Variants in TSPAN16 observed in about 807,000 individuals in gnomAD.
TSPAN16 encodes the protein tetraspanin 16, also known as tetraspanin-16.
In TSPAN16, 23 loss-of-function variants were observed where a neutral mutation model predicts 25.2. The observed-to-expected ratio is 0.91, with a 90% confidence interval of 0.66 to 1.29. The LOEUF is 1.29. TSPAN16 is among the 50% of genes most tolerant of loss of function. The pLI is 0.00. For missense variants in TSPAN16, 272 were observed against 299.9 expected (o/e 0.91, Z 0.69); for synonymous variants, 123 against 124.4 (o/e 0.99, Z 0.08).
Position 11,301,250 on chromosome 19 carries a change from A to T in TSPAN16, c.392A>T (p.Tyr131Phe). ...EHTFVTLRKN[Y>F]RGYNEPDDYS... ...ACCTTCGTGACCCTGAGGAAGAATT[A>T]CAGAGGTTACAACGAGCCAGACGAC... The change falls in exon 4 of 7, where the codon TAC becomes TTC. Residue 131 changes from tyrosine to phenylalanine, a missense_variant. Transcript: ENST00000590327. 1 of 1,614,080 alleles carries T rather than the reference A, an allele frequency of 6.2e-7. No homozygotes were observed. Among genetic ancestry groups the T allele is most frequent in the East Asian group, 2.2e-5 (1 of 44,882 alleles).
chr19:11,301,329 A>T, intron 4 of TSPAN16, 21 bp downstream of exon 4: 1 of 1,604,518 alleles, frequency 6.2e-7, no homozygotes, highest in Non-Finnish European at 8.5e-7. Context: ...CTTAAAAAAA[A>T]AAAATTGTGG....
At chr19:11,310,643 G>A (rs892399733) in intron 5 of TSPAN16, among the ~76,000 whole-genome samples, 8 of 152,118 alleles carry the variant, frequency 5.3e-5, no homozygotes, top group African/African-American at 1.9e-4. Context: ...CTGTAAAATG[G>A]AGGAAAGAAG....
intron 5 of TSPAN16, among the ~76,000 whole-genome samples, chr19:11,309,663 A>G (rs1487663925): frequency 2.0e-5 from 3 of 152,168 alleles, no homozygotes; most frequent in Non-Finnish European, 2.9e-5. Flanking sequence ...TCTTTCCAGC[A>G]TTTATCACCA....
intron 4 of TSPAN16, among the ~76,000 whole-genome samples, chr19:11,303,570 AATAAATT>A (rs2080591444): frequency 1.6e-5 from 2 of 122,540 alleles, no homozygotes; most frequent in South Asian, 5.0e-4. Context: ...TAAATAAATA[AATAAATT>A]AAAAAAAAAA....
intron 6 of TSPAN16, among the ~76,000 whole-genome samples, chr19:11,314,319 T>TA (rs2080723192): frequency 6.6e-6 from 1 of 152,198 alleles, no homozygotes; most frequent in African/African-American, 2.4e-5. Flanking sequence ...CTGTATACTT[T>TA]AGAAAGGTAA....
At chr19:11,312,051 G>C in intron 5 of TSPAN16, 88 bp from the exon 6 acceptor site, 3 of 936,010 alleles carry the variant, frequency 3.2e-6, no homozygotes, top group Non-Finnish European at 5.0e-6. Flanking sequence ...AGAGTCGTCT[G>C]AGTGGCCTAA....
intron 5 of TSPAN16, among the ~76,000 whole-genome samples, chr19:11,311,097 A>AT (rs2080685936): frequency 1.5e-5 from 2 of 131,716 alleles, no homozygotes; most frequent in African/African-American, 5.9e-5. Context: ...TCGGCCTCTC[A>AT]GAGTTCTGGG....
At chr19:11,325,176 T>C (rs2080804339) in intron 6 of TSPAN16, 1 of 505,986 alleles carries the variant, frequency 2.0e-6, no homozygotes, top group Admixed American at 3.3e-5. Flanking sequence ...CTGCCTGCCA[T>C]GCAGAGCTGA....
At chr19:11,298,073 C>T (rs1599324692) in intron 1 of TSPAN16, 69 bp from the exon 2 acceptor site, 4 of 1,532,294 alleles carry the variant, frequency 2.6e-6, no homozygotes, top group East Asian at 2.3e-5. Context: ...TGAGCCACCG[C>T]ACTCACCCAG....
downstream of TSPAN16, among the ~76,000 whole-genome samples, chr19:11,318,317 A>G (rs557066559): frequency 6.6e-6 from 1 of 151,476 alleles, no homozygotes; most frequent in East Asian, 1.9e-4. Context: ...GAGCCACCAC[A>G]CCCAGCCTAA....
At chr19:11,326,965 C>T in exon 7 of TSPAN16, 1 of 491,734 alleles carries the variant, frequency 2.0e-6, no homozygotes, top group South Asian at 3.1e-5. Flanking sequence ...GTCCCTGAAT[C>T]TCCATGCAGC....
At position 11,311,113 on chromosome 19, in the gene TSPAN16, G is replaced by A. The variant is rs145279699; in HGVS notation, c.604-1026G>A. Reference sequence around the variant, plus strand: ...CGGCCTCTCAGAGTTCTGGGATTACGGGCATGAGCCATCGTGCCCAGCCTT... The same window carrying A: ...CGGCCTCTCAGAGTTCTGGGATTACAGGCATGAGCCATCGTGCCCAGCCTT... On this transcript the variant is annotated intron_variant, in intron 5 of 6. Coordinates refer to ENST00000590327, the MANE Select transcript of TSPAN16 (RefSeq NM_001282509.2). Among the ~76,000 whole-genome samples, 36 of 120,078 alleles carry A rather than the reference G, an allele frequency of 3.0e-4. No individual in the cohort carries two copies. The East Asian group carries it at 6.5e-3, about 22-fold the overall frequency. The allele number at this position is 120,078 out of a possible 152,430, so 78.8% of individuals were successfully genotyped here.
At chr19:11,321,356 C>T (rs940614878) in intron 6 of TSPAN16, 1 of 152,156 alleles carries the variant, frequency 6.6e-6, no homozygotes, top group South Asian at 2.1e-4. Context: ...CCTTATAAAA[C>T]CATCAGATCT....
intron 2 of TSPAN16, among the ~76,000 whole-genome samples, chr19:11,298,581 C>A (rs2080506607): frequency 6.6e-6 from 1 of 152,014 alleles, no homozygotes; most frequent in Non-Finnish European, 1.5e-5. Context: ...ATTACAGGCA[C>A]CCCTACCATG....
rs761774118 is a variant in TSPAN16, at chr19:11,301,264, G to A, written c.406G>A (p.Glu136Lys). Residue 136 changes from glutamate to lysine, a missense_variant, in exon 4 of 7, where the codon GAG becomes AAG. Glu to Lys is a moderately conservative substitution (Grantham distance 56). Transcript: ENST00000590327. ...GAGGAAGAATTACAGAGGTTACAAC[G>A]AGCCAGACGACTATTCTACACAGTG... ...TLRKNYRGYN[E>K]PDDYSTQWNL... The A allele has an allele frequency of 6.2e-6, 10 of 1,613,762 alleles. No individual in the cohort carries two copies. The East Asian group carries it at 8.9e-5, about 14-fold the overall frequency.
chr19:11,325,503 C>T (rs139332966), intron 6 of TSPAN16: 2 of 1,613,718 alleles, frequency 1.2e-6, no homozygotes, highest in Non-Finnish European at 8.5e-7. Flanking sequence ...CGTTCATCTT[C>T]TCGCAGATGA....
chr19:11,325,723 C>T (rs751226225), intron 6 of TSPAN16: 7 of 732,528 alleles, frequency 9.6e-6, no homozygotes, highest in Non-Finnish European at 1.5e-5. Context: ...GCCTTTGCCA[C>T]TCCAAGCCTC....
intron 6 of TSPAN16, among the ~76,000 whole-genome samples, chr19:11,313,440 T>A (rs2080714329): frequency 6.6e-6 from 1 of 151,288 alleles, no homozygotes; most frequent in Non-Finnish European, 1.5e-5. Context: ...GGCAGGAGAA[T>A]CGCTTGAATC....
chr19:11,325,373 G>C, intron 6 of TSPAN16: 1 of 1,462,196 alleles, frequency 6.8e-7, no homozygotes, highest in Non-Finnish European at 9.2e-7. Flanking sequence ...CAGGAGAGGG[G>C]TGGGTGGGGG....
Sources: allele counts gnomAD v4.1 joint callset (sites outside exome capture counted in the v4.1 genomes callset), GRCh38; gene constraint gnomAD v4.1.1; transcripts MANE v1.5; gene names NCBI Gene and HGNC (gene_info 2026-07-23, HGNC 2026-07-21).